The following PCDHGA9 variants were observed in gnomAD, a reference collection of about 807,000 sequenced individuals.
PCDHGA9 encodes protocadherin gamma subfamily A, 9, also known as protocadherin gamma-A9.
In PCDHGA9, 37 loss-of-function variants were observed where a neutral mutation model predicts 62.5. That is an observed-to-expected ratio of 0.59 (90% CI 0.46 to 0.78). PCDHGA9 has a LOEUF of 0.78. Among genes scored for constraint, PCDHGA9 ranks in the 30% least tolerant of loss-of-function variants. The pLI is 0.00. For missense variants in PCDHGA9, 1,138 were observed against 1,166.2 expected (o/e 0.98, Z 0.35); for synonymous variants, 459 against 484.6 (o/e 0.95, Z 0.69).
intron 1 of PCDHGA9, chr5:141,421,230 G>T: frequency 6.3e-7 from 1 of 1,590,132 alleles, no homozygotes. Context: ...AGCCTGCCAT[G>T]GCGAATCGGC....
At chr5:141,409,484 G>A in intron 1 of PCDHGA9, 1 of 1,613,974 alleles carries the variant, frequency 6.2e-7, no homozygotes, top group Non-Finnish European at 8.5e-7. Flanking sequence ...CACTGACAGG[G>A]GCAAGCCGCC....
At chr5:141,496,146 G>A (rs749790409) in intron 2 of PCDHGA9, among the ~76,000 whole-genome samples, 1 of 151,170 alleles carries the variant, frequency 6.6e-6, no homozygotes, top group Non-Finnish European at 1.5e-5. Flanking sequence ...GCCTTTGATC[G>A]CAGCTCTCCA....
At chr5:141,413,389 T>C (rs370906684) in intron 1 of PCDHGA9, 1 of 1,613,986 alleles carries the variant, frequency 6.2e-7, no homozygotes, top group South Asian at 1.1e-5. Context: ...CCGCATAGTC[T>C]CCAGAGGTAG....
chr5:141,409,502 T>C, intron 1 of PCDHGA9: 2 of 1,613,986 alleles, frequency 1.2e-6, no homozygotes, highest in South Asian at 1.1e-5. Flanking sequence ...GCCTCTTTCT[T>C]CCAGTAGAAG....
rs543038539 is a variant in PCDHGA9 at position 141,415,850 on chromosome 5, C to A, written c.2424+10474C>A. 7.3e-6 allele frequency: 9 copies of A among 1,230,004 alleles called. No homozygotes were observed. In the East Asian group the frequency reaches 2.6e-4, roughly 35 times the overall value. The allele number at this position is 1,230,004 out of a possible 1,614,324, so 76.2% of individuals were successfully genotyped here. ...TTTGTTATGATTAGCTTTGCAGAAC[C>A]TTGTAGTTTATAGTGTTGTTGAGTA... On this transcript the variant is annotated intron_variant, in intron 1 of 3. Coordinates refer to ENST00000573521, the MANE Select transcript of PCDHGA9 (RefSeq NM_018921.3).
At chr5:141,416,497 T>G (rs1426816820) in intron 1 of PCDHGA9, 3 of 152,116 alleles carry the variant, frequency 2.0e-5, no homozygotes, top group Non-Finnish European at 4.4e-5. Context: ...GAGCAAGAGA[T>G]ATATGACAAA....
At chr5:141,495,605 T>G (rs1201224193) in intron 2 of PCDHGA9, among the ~76,000 whole-genome samples, 2 of 152,228 alleles carry the variant, frequency 1.3e-5, no homozygotes, top group African/African-American at 2.4e-5. Context: ...GCTTCCGTCT[T>G]GATTGCTGCA....
At chr5:141,421,926 C>A in intron 1 of PCDHGA9, 1 of 1,613,460 alleles carries the variant, frequency 6.2e-7, no homozygotes, top group Non-Finnish European at 8.5e-7. Flanking sequence ...GTGTGGTGGT[C>A]CTCGATGTAA....
In PCDHGA9 at chr5:141,454,796, A is replaced by ATTTTTTTTTTTTTTTTTTT. The variant is rs61612330; in HGVS notation, c.2425-40000_2425-39982dup. Among the ~76,000 whole-genome samples the ATTTTTTTTTTTTTTTTTTT allele has an allele frequency of 2.8e-4, 22 of 77,458 alleles. 2 individuals are homozygous for ATTTTTTTTTTTTTTTTTTT. Among genetic ancestry groups the ATTTTTTTTTTTTTTTTTTT allele is most frequent in the East Asian group, 4.0e-4 (1 of 2,512 alleles). The allele number at this position is 77,458 out of a possible 152,430, so 50.8% of individuals were successfully genotyped here. The stretch of plus-strand genomic sequence containing the variant: ...AAGGAAATAATCCTCCATGGTTCTA[A>ATTTTTTTTTTTTTTTTTTT]TTTTTTTTTTTTTTTTTTTTTTTTT... On this transcript the variant is annotated intron_variant, in intron 1 of 3. Coordinates refer to ENST00000573521, the MANE Select transcript of PCDHGA9 (RefSeq NM_018921.3).
chr5:141,404,164 G>A lies in PCDHGA9; in HGVS notation c.1212G>A (p.Leu404=). ...LENSEEDYYR[L]LTAQILDREK... ...ATTCAGAAGAAGATTATTACAGATT[G>A]TTGACGGCCCAAATTCTTGACCGAG... Residue 404 remains leucine (L), a synonymous_variant, in exon 1 of 4, where the codon TTG becomes TTA. Transcript: ENST00000573521. 2 of 1,613,126 alleles carry A rather than the reference G, an allele frequency of 1.2e-6. No homozygotes were observed. The highest frequency in any genetic ancestry group is 2.2e-5 in the South Asian group (2 of 90,954).
intron 1 of PCDHGA9, chr5:141,421,975 G>T: frequency 6.2e-7 from 1 of 1,610,052 alleles, no homozygotes; most frequent in African/African-American, 1.3e-5. Context: ...CGTATATCGC[G>T]TGAGTGTTCC....
At chr5:141,430,680 C>G (rs990086941) in intron 1 of PCDHGA9, 8 of 1,343,124 alleles carry the variant, frequency 6.0e-6, no homozygotes, top group Non-Finnish European at 8.0e-6. Context: ...TCCCAACTGT[C>G]CCATTCTATG....
Position 141,403,487 on chromosome 5 carries a change from T to C in PCDHGA9, c.535T>C (p.Ser179Pro). Residue 179 changes from serine to proline, a missense_variant, in exon 1 of 4, where the codon TCC (serine) becomes CCC (proline). Transcript: ENST00000573521. ...SYQLSPNHHF[S>P]LNVQTGDNGA... ...CCAGCTCAGCCCCAATCACCACTTC[T>C]CCCTGAACGTGCAGACTGGAGACAA... 6.2e-7 allele frequency: 1 copy of C among 1,613,930 alleles called. No homozygotes were observed.
chr5:141,412,923 G>A, intron 1 of PCDHGA9: 1 of 420,946 alleles, frequency 2.4e-6, no homozygotes, highest in East Asian at 3.6e-5. Flanking sequence ...CTTGGGTGCA[G>A]TAACTTCTTA....
chr5:141,483,589 G>A (rs189449393), intron 1 of PCDHGA9, among the ~76,000 whole-genome samples: 17 of 152,214 alleles, frequency 1.1e-4, no homozygotes, highest in Admixed American at 1.1e-3. Context: ...ACACCTAATA[G>A]GTCAGGCTGG....
In PCDHGA9 at chr5:141,490,462, ACCAG is replaced by A; in HGVS notation, c.2425-4338_2425-4335del. On this transcript the variant is annotated intron_variant, in intron 1 of 3. Coordinates refer to ENST00000573521, the MANE Select transcript of PCDHGA9 (RefSeq NM_018921.3). The surrounding 1 kb of genome is among the most constrained non-coding windows in gnomAD (Gnocchi z 5.4). ...TTCTGAGAACCACTACTCGCTGCTA[ACCAG>A]CCAGCCTTTGGACCGGGAGGCCACA... 1 of 1,614,198 alleles carries A rather than the reference ACCAG, an allele frequency of 6.2e-7. No homozygotes were observed.
In PCDHGA9 at chr5:141,404,835, C is replaced by T; in HGVS notation, c.1883C>T (p.Thr628Ile). Residue 628 changes from threonine to isoleucine, a missense_variant, in exon 1 of 4, where the codon ACA becomes ATA. Thr to Ile is a moderately conservative substitution (Grantham distance 89). Coordinates refer to ENST00000573521, the MANE Select transcript of PCDHGA9 (RefSeq NM_018921.3). ...SVGLHTGEVR[T>I]ARALLDRDAL... ...GGGCTGCACACAGGTGAAGTGCGCA[C>T]AGCTCGGGCCCTGCTAGATAGAGAT... 1 of 1,613,920 alleles carries T rather than the reference C, an allele frequency of 6.2e-7. No homozygotes were observed. The highest frequency in any genetic ancestry group is 8.5e-7 in the Non-Finnish European group (1 of 1,179,932).
At chr5:141,481,024 C>CTGGA (rs1200299352) in intron 1 of PCDHGA9, among the ~76,000 whole-genome samples, 3 of 152,122 alleles carry the variant, frequency 2.0e-5, no homozygotes, top group Admixed American at 1.3e-4. Flanking sequence ...CACCACTGCA[C>CTGGA]TCCAGCCTGG....
At chr5:141,409,876 C>G in intron 1 of PCDHGA9, 1 of 1,612,874 alleles carries the variant, frequency 6.2e-7, no homozygotes, top group East Asian at 2.2e-5. Flanking sequence ...GCAATGACAA[C>G]GCACCGCGGG....
Sources: gnomAD v4.1 joint callset for allele counts (sites outside exome capture counted in the v4.1 genomes callset) on GRCh38, gnomAD v4.1.1 for gene constraint, Gnocchi (gnomAD v3.1) non-coding constraint, MANE v1.5 for transcripts, NCBI Gene and HGNC (gene_info 2026-07-23, HGNC 2026-07-21) for gene names.